RTF2: variants seen among roughly 807,000 people sequenced by gnomAD.
The protein encoded by RTF2 is replication termination factor 2.
In RTF2, 18 loss-of-function variants were observed where a neutral mutation model predicts 38.0. That is an observed-to-expected ratio of 0.47 (90% CI 0.33 to 0.70). The LOEUF (loss-of-function observed/expected upper bound fraction) is 0.70. Among genes scored for constraint, RTF2 ranks in the 30% least tolerant of loss-of-function variants. The pLI, the probability that RTF2 is intolerant of heterozygous loss-of-function variation, is 0.02. For missense variants in RTF2, 311 were observed against 379.6 expected (o/e 0.82, Z 1.50); for synonymous variants, 126 against 137.1 (o/e 0.92, Z 0.57).
At chr20:56,473,915 A>G (rs1364147980) in intron 2 of RTF2, among the ~76,000 whole-genome samples, 1 of 152,172 alleles carries the variant, frequency 6.6e-6, no homozygotes, top group African/African-American at 2.4e-5. Flanking sequence ...TTATAAGCAT[A>G]AACACATGAA....
intron 4 of RTF2, among the ~76,000 whole-genome samples, chr20:56,481,085 G>A (rs1292364209): frequency 6.6e-6 from 1 of 152,118 alleles, no homozygotes; most frequent in East Asian, 1.9e-4. Flanking sequence ...AATAAAACAA[G>A]GTATGCCTAT....
intron 5 of RTF2, chr20:56,497,483 T>C: frequency 1.3e-6 from 2 of 1,500,364 alleles, no homozygotes; most frequent in Non-Finnish European, 1.8e-6. Context: ...CACATTCTAC[T>C]ACTTCTGGTT....
chr20:56,497,937 G>A (rs118142070), intron 5 of RTF2, among the ~76,000 whole-genome samples: 1,575 of 152,306 alleles, frequency 0.01, 13 homozygotes, highest in Admixed American at 0.02. Context: ...CACAGTGGTT[G>A]TACCAGCAAT....
intron 7 of RTF2, 31 bp downstream of exon 7, chr20:56,517,020 CA>C: frequency 6.2e-7 from 1 of 1,609,686 alleles, no homozygotes; most frequent in Non-Finnish European, 8.5e-7. Flanking sequence ...CTTATTTTAG[CA>C]AAATGCGACT....
chr20:56,471,665 C>T (rs1169692402), intron 1 of RTF2: 1 of 152,226 alleles, frequency 6.6e-6, no homozygotes, highest in East Asian at 1.9e-4. Context: ...AGAAGAGAGA[C>T]CCTGGTAAAC....
chr20:56,508,359 G>A (rs1418338657), intron 5 of RTF2, among the ~76,000 whole-genome samples: 1 of 152,156 alleles, frequency 6.6e-6, no homozygotes, highest in Non-Finnish European at 1.5e-5. Flanking sequence ...GAGATTCCGG[G>A]CATAGTATGT....
At position 56,518,305 on chromosome 20, in the gene RTF2, A is replaced by G. The variant is rs752457821; in HGVS notation, c.*40A>G. ...CCGCTCCTGCCCCAGAAGGTTGTTTAGTTTCCACGTAGGCAGGTCGCTTTG... is the reference window on the plus strand; with the variant it reads ...CCGCTCCTGCCCCAGAAGGTTGTTTGGTTTCCACGTAGGCAGGTCGCTTTG... On this transcript the variant is annotated 3_prime_UTR_variant, in exon 9 of 9. Coordinates refer to ENST00000357348, the MANE Select transcript of RTF2 (RefSeq NM_016407.5). 6 of 1,583,506 alleles carry G rather than the reference A, an allele frequency of 3.8e-6. No individual in the cohort carries two copies. In the Admixed American group the frequency reaches 5.4e-5, roughly 14 times the overall value.
At position 56,518,447 on chromosome 20, in the gene RTF2, G is replaced by A. The variant is rs1043584284; in HGVS notation, c.*182G>A. The stretch of plus-strand genomic sequence containing the variant: ...TGTGAGGCGTGTCGGTTCCAGGGGG[G>A]ACATGGGAGGGGCTGCACAGTGGCC... On this transcript the variant is annotated 3_prime_UTR_variant, in exon 9 of 9. Coordinates refer to ENST00000357348, the MANE Select transcript of RTF2 (RefSeq NM_016407.5). The A allele has an allele frequency of 3.5e-6, 2 of 577,528 alleles. No homozygotes were observed. The highest frequency in any genetic ancestry group is 5.9e-6 in the Non-Finnish European group (2 of 341,236). The allele number at this position is 577,528 out of a possible 1,614,324, so 35.8% of individuals were successfully genotyped here. A position where few individuals can be genotyped will look rare whatever the true frequency, so the allele number is the denominator to read the frequency against.
intron 3 of RTF2, among the ~76,000 whole-genome samples, chr20:56,476,056 G>C (rs1455441660): frequency 6.6e-6 from 1 of 152,136 alleles, no homozygotes; most frequent in Non-Finnish European, 1.5e-5. Context: ...AGTCAAAATG[G>C]TCTCATTAAA....
intron 5 of RTF2, among the ~76,000 whole-genome samples, chr20:56,504,698 G>T (rs1359387208): frequency 6.6e-6 from 1 of 152,084 alleles, no homozygotes; most frequent in Non-Finnish European, 1.5e-5. Flanking sequence ...TCCTTTTCTG[G>T]TTTTAAAGGT....
At chr20:56,499,562 G>A (rs1983790868) in intron 5 of RTF2, among the ~76,000 whole-genome samples, 2 of 151,994 alleles carry the variant, frequency 1.3e-5, no homozygotes, top group Non-Finnish European at 2.9e-5. Flanking sequence ...CCTGACCATA[G>A]AAATTGAATA....
At chr20:56,515,053 C>T (rs975313945) in intron 6 of RTF2, among the ~76,000 whole-genome samples, 1 of 148,152 alleles carries the variant, frequency 6.7e-6, no homozygotes, top group Non-Finnish European at 1.5e-5. Context: ...AAAAAAAAGC[C>T]GCTTGGCCAT....
chr20:56,473,760 A>G (rs1982090733), intron 2 of RTF2, among the ~76,000 whole-genome samples: 1 of 152,098 alleles, frequency 6.6e-6, no homozygotes, highest in South Asian at 2.1e-4. Flanking sequence ...GGCTGGCATG[A>G]TCCTGTAGTC....
At chr20:56,489,396 A>G (rs759588119) in intron 5 of RTF2, among the ~76,000 whole-genome samples, 1 of 152,074 alleles carries the variant, frequency 6.6e-6, no homozygotes, top group Non-Finnish European at 1.5e-5. Context: ...ACATGTCTTC[A>G]TTATAGCATT....
At chr20:56,490,589 C>T (rs1293500625) in intron 5 of RTF2, among the ~76,000 whole-genome samples, 4 of 152,154 alleles carry the variant, frequency 2.6e-5, no homozygotes, top group Admixed American at 6.5e-5. Context: ...CCAAGGCAGG[C>T]GGATCACCTG....
At chr20:56,487,898 G>A (rs563597873) in intron 5 of RTF2, among the ~76,000 whole-genome samples, 15 of 152,238 alleles carry the variant, frequency 9.9e-5, no homozygotes, top group African/African-American at 3.6e-4. Context: ...CACCAGTCCC[G>A]GTACTGGATT....
intron 5 of RTF2, among the ~76,000 whole-genome samples, chr20:56,487,751 G>A (rs944424778): frequency 1.3e-5 from 2 of 152,204 alleles, no homozygotes; most frequent in African/African-American, 4.8e-5. Flanking sequence ...CAAAATCAAG[G>A]TGTCATCAGG....
intron 5 of RTF2, among the ~76,000 whole-genome samples, chr20:56,505,734 A>G (rs1984223961): frequency 6.6e-6 from 1 of 152,120 alleles, no homozygotes; most frequent in African/African-American, 2.4e-5. Context: ...TGCTGCGGGA[A>G]ATGCCAACAC....
chr20:56,470,271 G>C (rs991886443), intron 1 of RTF2, among the ~76,000 whole-genome samples: 1 of 152,180 alleles, frequency 6.6e-6, no homozygotes, highest in African/African-American at 2.4e-5. Context: ...TTGTGCCCAG[G>C]GCTGAAAAGG....
Sources: gnomAD v4.1 joint callset for allele counts (sites outside exome capture counted in the v4.1 genomes callset) on GRCh38, gnomAD v4.1.1 for gene constraint, MANE v1.5 for transcripts, NCBI Gene and HGNC (gene_info 2026-07-23, HGNC 2026-07-21) for gene names.